The following RNGTT variants were observed in gnomAD, a reference collection of about 807,000 sequenced individuals.
RNGTT encodes RNA guanylyltransferase and 5'-phosphatase, also known as mRNA-capping enzyme.
A neutral mutation model predicts 79.3 loss-of-function variants in RNGTT; 33 were observed. The observed-to-expected ratio is 0.42, with a 90% CI of 0.32 to 0.56. RNGTT has a LOEUF of 0.56. RNGTT is among the 20% of genes least tolerant of loss of function. The pLI is 0.17. For missense variants in RNGTT, 497 were observed against 739.1 expected (o/e 0.67, Z 3.80); for synonymous variants, 222 against 235.9 (o/e 0.94, Z 0.54).
intron 14 of RNGTT, among the ~76,000 whole-genome samples, chr6:88,637,259 A>C (rs1773134194): frequency 6.6e-6 from 1 of 152,130 alleles, no homozygotes; most frequent in African/African-American, 2.4e-5. Context: ...AAGAAAACAG[A>C]ACTAAACTGA....
intron 13 of RNGTT, among the ~76,000 whole-genome samples, chr6:88,738,732 T>G (rs1777366142): frequency 6.6e-6 from 1 of 152,134 alleles, no homozygotes; most frequent in South Asian, 2.1e-4. Context: ...GTACACTGTT[T>G]GTGGGGGGCC....
intron 11 of RNGTT, among the ~76,000 whole-genome samples, chr6:88,821,318 C>T (rs117822879): frequency 0.018 from 2,708 of 152,056 alleles, 31 homozygotes; most frequent in Non-Finnish European, 0.025. Flanking sequence ...TTATACATCC[C>T]CAAGCAAAAG....
rs554892234 is a variant in RNGTT, at chr6:88,666,289, C to T, written c.1506+12064G>A. On this transcript the variant is annotated intron_variant, in intron 14 of 15. Transcript: ENST00000369485. Reference sequence around the variant, plus strand: ...AAAAAATAGCAGTCGGAGTTTTAACCCAAGACGTAAGGCCGTGGCTGAGGC... The same window carrying T: ...AAAAAATAGCAGTCGGAGTTTTAACTCAAGACGTAAGGCCGTGGCTGAGGC... Among the ~76,000 whole-genome samples, 13 of 152,304 alleles carry T rather than the reference C, an allele frequency of 8.5e-5. No homozygotes were observed. In the South Asian group the frequency reaches 2.7e-3, roughly 32 times the overall value.
intron 13 of RNGTT, among the ~76,000 whole-genome samples, chr6:88,703,938 A>G (rs895148692): frequency 6.6e-6 from 1 of 152,162 alleles, no homozygotes; most frequent in African/African-American, 2.4e-5. Flanking sequence ...AAACTTGCAT[A>G]GAGGCCAGTG....
At chr6:88,779,402 A>C (rs1778988728) in intron 12 of RNGTT, among the ~76,000 whole-genome samples, 1 of 152,208 alleles carries the variant, frequency 6.6e-6, no homozygotes, top group Non-Finnish European at 1.5e-5. Context: ...GTATAGTTTT[A>C]AAATATCTCC....
intron 11 of RNGTT, among the ~76,000 whole-genome samples, chr6:88,817,486 T>C: frequency 8.0e-5 from 1 of 12,470 alleles, no homozygotes; most frequent in Non-Finnish European, 1.7e-4. Flanking sequence ...TACAAAAAAA[T>C]AAGTAAAAAA....
rs371087729 is a variant in RNGTT at position 88,853,921 on chromosome 6, A to AT, written c.897-158dup. On this transcript the variant is annotated intron_variant, in intron 8 of 15. Coordinates refer to ENST00000369485, the MANE Select transcript of RNGTT (RefSeq NM_003800.5). ...GTAGATTAAAGTATCACAAATAATA[A>AT]TTTTTTTTTTTTTTTTGGAGACAGA... Among the ~76,000 whole-genome samples the AT allele has an allele frequency of 4.7e-3, 671 of 143,188 alleles. 2 individuals carry two copies. The highest frequency in any genetic ancestry group is 9.1e-3 in the African/African-American group (358 of 39,360). 93.9% of individuals were successfully genotyped at this position (143,188 alleles called of 152,430 possible).
chr6:88,833,219 A>G (rs1328691673), intron 11 of RNGTT, among the ~76,000 whole-genome samples: 5 of 152,262 alleles, frequency 3.3e-5, no homozygotes, highest in African/African-American at 1.2e-4. Flanking sequence ...TGTGGCACAT[A>G]GACACCATGG....
At position 88,929,025 on chromosome 6, in the gene RNGTT, C is replaced by T. The variant is rs540208800; in HGVS notation, c.327G>A (p.Leu109=). Residue 109 remains leucine (L), a synonymous_variant, in exon 4 of 16, where the codon CTG becomes CTA. Transcript: ENST00000369485. ...TTENTETFIR[L]CERFNERNPP... is the part of the protein sequence containing the mutation. ...GATTTCTTTCATTAAACCGCTCACA[C>T]AGACGAATAAAGGTCTCAGTATTCT... is the stretch of plus-strand genomic sequence containing the variant. 22 of 1,612,868 alleles carry T rather than the reference C, an allele frequency of 1.4e-5. No individual in the cohort carries two copies. Among genetic ancestry groups the T allele is most frequent in the Non-Finnish European group, 1.7e-5 (20 of 1,179,522 alleles).
At chr6:88,702,388 A>T (rs1479293015) in intron 13 of RNGTT, among the ~76,000 whole-genome samples, 1 of 152,152 alleles carries the variant, frequency 6.6e-6, no homozygotes, top group Non-Finnish European at 1.5e-5. Flanking sequence ...AACAGAATAG[A>T]AAACTCAAAT....
intron 8 of RNGTT, among the ~76,000 whole-genome samples, chr6:88,855,370 A>C (rs938350523): frequency 6.6e-6 from 1 of 152,172 alleles, no homozygotes; most frequent in Non-Finnish European, 1.5e-5. Context: ...GAAATAGGAG[A>C]GCTGATGAAG....
At position 88,734,190 on chromosome 6, in the gene RNGTT, C is replaced by A. The variant is rs145110633; in HGVS notation, c.1439+35584G>T. ...TGTTATAAGGGATGAAAGGGAGGAA[C>A]TGAGATACTCTGTTACAAGGCACAA... is the stretch of plus-strand genomic sequence containing the variant. On this transcript the variant is annotated intron_variant, in intron 13 of 15. Transcript: ENST00000369485. 6.3e-3 allele frequency among the ~76,000 whole-genome samples: 951 copies of A among 152,066 alleles called. 9 individuals carry two copies. The highest frequency in any genetic ancestry group is 0.011 in the Non-Finnish European group (717 of 67,964).
chr6:88,666,803 C>T (rs1774430357), intron 14 of RNGTT, among the ~76,000 whole-genome samples: 3 of 152,122 alleles, frequency 2.0e-5, no homozygotes, highest in Non-Finnish European at 2.9e-5. Context: ...ATCGCTGCCT[C>T]AGGGAACTTC....
At chr6:88,677,568 G>A (rs1259337605) in intron 14 of RNGTT, among the ~76,000 whole-genome samples, 3 of 151,872 alleles carry the variant, frequency 2.0e-5, no homozygotes, top group Non-Finnish European at 4.4e-5. Context: ...CCAGGTTCAG[G>A]CGATCCTCTT....
intron 11 of RNGTT, among the ~76,000 whole-genome samples, chr6:88,804,575 G>A (rs1464521897): frequency 6.6e-6 from 1 of 151,684 alleles, no homozygotes; most frequent in African/African-American, 2.4e-5. Context: ...AAGGAAAAAA[G>A]GTTTTCTAAG....
At position 88,849,246 on chromosome 6, in the gene RNGTT, C is replaced by A. The variant is rs73498446; in HGVS notation, c.1104+509G>T. Among the ~76,000 whole-genome samples the A allele has an allele frequency of 3.9e-3, 586 of 152,022 alleles. 4 individuals carry two copies. Among genetic ancestry groups the A allele is most frequent in the African/African-American group, 0.014 (565 of 41,526 alleles). On this transcript the variant is annotated intron_variant, in intron 10 of 15. Transcript: ENST00000369485. Reference sequence around the variant, plus strand: ...CCCTGAGGCTCTTAAATTTGAAGTTCTTTGTTTTAAATACAGAATTTCAAT... The same window carrying A: ...CCCTGAGGCTCTTAAATTTGAAGTTATTTGTTTTAAATACAGAATTTCAAT...
At chr6:88,733,750 G>C (rs983449941) in intron 13 of RNGTT, among the ~76,000 whole-genome samples, 2 of 151,530 alleles carry the variant, frequency 1.3e-5, no homozygotes, top group Non-Finnish European at 2.9e-5. Flanking sequence ...TACATAACAA[G>C]AATCGCATCA....
intron 14 of RNGTT, among the ~76,000 whole-genome samples, chr6:88,672,296 C>CAT (rs553232601): frequency 6.6e-6 from 1 of 151,240 alleles, no homozygotes; most frequent in South Asian, 2.1e-4. Flanking sequence ...TATATATACA[C>CAT]ATATATATAA....
At chr6:88,836,007 C>T (rs1562277514) in intron 11 of RNGTT, among the ~76,000 whole-genome samples, 2 of 121,682 alleles carry the variant, frequency 1.6e-5, no homozygotes, top group African/African-American at 5.8e-5. Context: ...CACACACACA[C>T]ACACACACAC....
Sources: allele counts gnomAD v4.1 joint callset (sites outside exome capture counted in the v4.1 genomes callset), GRCh38; gene constraint gnomAD v4.1.1; transcripts MANE v1.5; gene names NCBI Gene and HGNC (gene_info 2026-07-23, HGNC 2026-07-21).